Variants in ARHGEF18 observed in about 807,000 individuals in gnomAD.
The protein encoded by ARHGEF18 is Rho/Rac guanine nucleotide exchange factor 18.
Under a neutral mutation model 155.7 loss-of-function variants are expected in ARHGEF18, and 93 were observed. The ratio of observed to expected loss-of-function variants is 0.60; its 90% CI spans 0.50 to 0.71. The LOEUF (loss-of-function observed/expected upper bound fraction) is 0.71, where lower values mean the gene tolerates loss of function less well. Among genes scored for constraint, ARHGEF18 ranks in the 30% least tolerant of loss-of-function variants. The probability of loss-of-function intolerance (pLI) is 0.00; values close to 1 mark genes in which losing one functional copy is unlikely to be tolerated. For synonymous variants in ARHGEF18, 742 were observed against 753.1 expected (o/e 0.99, Z 0.24); for missense variants, 1,593 against 1,816.1 (o/e 0.88, Z 2.23).
chr19:7,389,853 T>C (rs1971299277), intron 10 of ARHGEF18, among the ~76,000 whole-genome samples: 1 of 152,116 alleles, frequency 6.6e-6, no homozygotes, highest in East Asian at 1.9e-4. Context: ...CATCATTTGA[T>C]TTTGATTTGC....
chr19:7,383,988 C>T (rs187998296), intron 10 of ARHGEF18, among the ~76,000 whole-genome samples: 5 of 152,142 alleles, frequency 3.3e-5, no homozygotes, highest in Admixed American at 6.6e-5. Context: ...TGGTCATTGC[C>T]GGGATTTAGA....
chr19:7,417,321 G>A (rs1050390582), intron 10 of ARHGEF18, among the ~76,000 whole-genome samples: 3 of 152,162 alleles, frequency 2.0e-5, no homozygotes, highest in Non-Finnish European at 4.4e-5. Flanking sequence ...GGCAGAGGGA[G>A]GAGGACTGCT....
chr19:7,400,587 C>T (rs1971981275), intron 10 of ARHGEF18, among the ~76,000 whole-genome samples: 1 of 152,084 alleles, frequency 6.6e-6, no homozygotes, highest in Non-Finnish European at 1.5e-5. Context: ...AATCCCAGTA[C>T]TTTGGAAGGC....
chr19:7,380,308 C>A (rs1970668102), intron 7 of ARHGEF18, among the ~76,000 whole-genome samples: 2 of 151,062 alleles, frequency 1.3e-5, no homozygotes, highest in South Asian at 2.1e-4. Context: ...GAAACCCCGT[C>A]TCTACTAAAA....
At chr19:7,413,873 C>A (rs552882988) in intron 10 of ARHGEF18, among the ~76,000 whole-genome samples, 31 of 152,166 alleles carry the variant, frequency 2.0e-4, no homozygotes, top group African/African-American at 7.5e-4. Flanking sequence ...AAGCCACCCA[C>A]GGTTCTGTCC....
At position 7,462,836 on chromosome 19, in the gene ARHGEF18, CTTTTT is replaced by C. The variant is rs34155241; in HGVS notation, c.2635+516_2635+520del. Among the ~76,000 whole-genome samples, 1 of 96,488 alleles carries C rather than the reference CTTTTT, an allele frequency of 1.0e-5. No homozygotes were observed. The highest frequency in any genetic ancestry group is 4.4e-5 in the African/African-American group (1 of 22,520). 63.3% of individuals were successfully genotyped at this position (96,488 alleles called of 152,430 possible). ...AGTCTGCTCTTTCTTTTTTTCTTTT[CTTTTT>C]TTTTTTTTTTTTTGAGATGGAGTCT... On this transcript the variant is annotated intron_variant, in intron 21 of 28. Coordinates refer to ENST00000668164, the MANE Select transcript of ARHGEF18 (RefSeq NM_001367823.1). This position sits in a 1 kb window ranked among gnomAD's most constrained non-coding sequence, Gnocchi z 4.4.
chr19:7,384,069 T>C (rs947757502), intron 10 of ARHGEF18, among the ~76,000 whole-genome samples: 1 of 152,148 alleles, frequency 6.6e-6, no homozygotes, highest in African/African-American at 2.4e-5. Flanking sequence ...AACTGCGTGT[T>C]AGAAAAGATG....
At chr19:7,380,505 T>TA (rs1970684146) in intron 7 of ARHGEF18, among the ~76,000 whole-genome samples, 1 of 149,916 alleles carries the variant, frequency 6.7e-6, no homozygotes, top group African/African-American at 2.5e-5. Context: ...GTGTAAGATT[T>TA]AAGTACTTGG....
chr19:7,466,988 G>C lies in ARHGEF18; in HGVS notation c.2961+14G>C. ...CTGGAGTCGGAGGTAGGCGCCCGCG[G>C]GTCTCCATCTCCCCAGGGCCTTGTG... On this transcript the variant is annotated intron_variant, in intron 24 of 28. Coordinates refer to ENST00000668164, the MANE Select transcript of ARHGEF18 (RefSeq NM_001367823.1). 1 of 1,613,344 alleles carries C rather than the reference G, an allele frequency of 6.2e-7. No homozygotes were observed. Among genetic ancestry groups the C allele is most frequent in the Non-Finnish European group, 8.5e-7 (1 of 1,179,974 alleles).
At chr19:7,380,028 G>A (rs1384580695) in intron 7 of ARHGEF18, among the ~76,000 whole-genome samples, 2 of 151,320 alleles carry the variant, frequency 1.3e-5, no homozygotes, top group African/African-American at 2.4e-5. Context: ...TTAGCTGGGC[G>A]TGGTGGCACA....
In ARHGEF18 at chr19:7,470,282, ACGT is replaced by A. The variant is rs2041637174; in HGVS notation, c.4072_4074del (p.Val1358del). 7.1e-6 allele frequency: 11 copies of A among 1,538,780 alleles called. No homozygotes were observed. Among genetic ancestry groups the A allele is most frequent in the Non-Finnish European group, 9.6e-6 (11 of 1,144,530 alleles). On this transcript the variant is annotated inframe_deletion, in exon 29 of 29. Coordinates refer to ENST00000668164, the MANE Select transcript of ARHGEF18 (RefSeq NM_001367823.1). The surrounding 1 kb of genome is among the most constrained non-coding windows in gnomAD (Gnocchi z 5.9). ...GCCAAGGAGGACGCCAGCAAAGAAG[ACGT>A]CATCTTCTTCTAAAAGGGCCGTGAC...
intron 1 of ARHGEF18, among the ~76,000 whole-genome samples, chr19:7,349,905 C>T (rs1176218333): frequency 6.6e-6 from 1 of 152,158 alleles, no homozygotes; most frequent in Non-Finnish European, 1.5e-5. Flanking sequence ...AAGAACCTCC[C>T]TGTTGCAGAT....
chr19:7,389,194 A>T (rs1263349834), intron 10 of ARHGEF18, among the ~76,000 whole-genome samples: 1 of 147,802 alleles, frequency 6.8e-6, no homozygotes, highest in East Asian at 2.0e-4. Context: ...TCTGTTGCCC[A>T]GGCTGGGGTG....
chr19:7,376,150 T>C (rs75876252), intron 4 of ARHGEF18, among the ~76,000 whole-genome samples: 2,784 of 152,212 alleles, frequency 0.018, 84 homozygotes, highest in African/African-American at 0.063. Context: ...GGGGATGTCT[T>C]ATCTTGCAGT....
Position 7,395,195 on chromosome 19 carries a change from G to T in ARHGEF18, c.967+11992G>T. The T allele has an allele frequency of 1.0e-6, 1 of 986,242 alleles. No homozygotes were observed. Among genetic ancestry groups the T allele is most frequent in the Non-Finnish European group, 1.2e-6 (1 of 830,586 alleles). The allele number at this position is 986,242 out of a possible 1,614,324, so 61.1% of individuals were successfully genotyped here. A position where few individuals can be genotyped will look rare whatever the true frequency, so the allele number is the denominator to read the frequency against. ...CCGGACGGAGGCATCGGAGGCGGCT[G>T]CGAGAGTGGCAGAGGAGCTGGCGGA... On this transcript the variant is annotated intron_variant, in intron 10 of 28. Coordinates refer to ENST00000668164, the MANE Select transcript of ARHGEF18 (RefSeq NM_001367823.1). This position sits in a 1 kb window ranked among gnomAD's most constrained non-coding sequence, Gnocchi z 5.0.
intron 10 of ARHGEF18, among the ~76,000 whole-genome samples, chr19:7,422,141 G>A (rs115590154): frequency 0.011 from 1,665 of 152,104 alleles, 40 homozygotes; most frequent in African/African-American, 0.037. Flanking sequence ...CTCTGTCCCC[G>A]TCTAATCATT....
intron 1 of ARHGEF18, chr19:7,355,585 A>C (rs935435760): frequency 1.0e-6 from 1 of 981,918 alleles, no homozygotes; most frequent in Non-Finnish European, 1.2e-6. Context: ...AGGGATTCCC[A>C]GGCCAGCTCA....
chr19:7,422,966 A>G (rs1177833043), intron 10 of ARHGEF18, among the ~76,000 whole-genome samples: 1 of 151,988 alleles, frequency 6.6e-6, no homozygotes, highest in African/African-American at 2.4e-5. Context: ...TAATCCGCCC[A>G]TCTTGGCCTC....
In ARHGEF18 at chr19:7,440,624, T is replaced by A; in HGVS notation, c.1106+142T>A. 8.5e-7 allele frequency: 1 copy of A among 1,182,312 alleles called. No individual in the cohort carries two copies. Among genetic ancestry groups the A allele is most frequent in the Non-Finnish European group, 1.2e-6 (1 of 868,674 alleles). The allele number at this position is 1,182,312 out of a possible 1,614,324, so 73.2% of individuals were successfully genotyped here. ...CCCGTGCTAAGCAGAGAAATTCCCA[T>A]TAACGCTTGCTTCCAGGATCCACGC... On this transcript the variant is annotated intron_variant, in intron 11 of 28. Transcript: ENST00000668164. This position sits in a 1 kb window ranked among gnomAD's most constrained non-coding sequence, Gnocchi z 5.4.
Sources: allele counts gnomAD v4.1 joint callset (sites outside exome capture counted in the v4.1 genomes callset), GRCh38; gene constraint gnomAD v4.1.1; non-coding constraint Gnocchi (gnomAD v3.1); transcripts MANE v1.5; gene names NCBI Gene and HGNC (gene_info 2026-07-23, HGNC 2026-07-21).